Variants in ITGA1 observed in about 807,000 individuals in gnomAD.
ITGA1 encodes the protein integrin subunit alpha 1.
A neutral mutation model predicts 145.9 loss-of-function variants in ITGA1; 85 were observed. That is an observed-to-expected ratio of 0.58 (90% CI 0.49 to 0.70). ITGA1 has a LOEUF of 0.70. Ranked by LOEUF, ITGA1 falls within the 30% of genes least tolerant of loss-of-function variation. ITGA1 has a pLI of 0.00. For missense variants in ITGA1, 1,351 were observed against 1,418.7 expected (o/e 0.95, Z 0.77); for synonymous variants, 520 against 495.3 (o/e 1.05, Z -0.66).
chr5:52,853,623 G>C (rs1749461230), intron 2 of ITGA1, among the ~76,000 whole-genome samples: 1 of 152,156 alleles, frequency 6.6e-6, no homozygotes, highest in African/African-American at 2.4e-5. Flanking sequence ...AGAAATATAA[G>C]TTGACAGAAA....
At chr5:52,791,041 C>T (rs938253001) in intron 1 of ITGA1, among the ~76,000 whole-genome samples, 1 of 152,122 alleles carries the variant, frequency 6.6e-6, no homozygotes, top group South Asian at 2.1e-4. Flanking sequence ...AACAAGCCAC[C>T]AGCATCCCAA....
At chr5:52,912,108 C>A in intron 14 of ITGA1, among the ~76,000 whole-genome samples, 1 of 136,364 alleles carries the variant, frequency 7.3e-6, no homozygotes, top group African/African-American at 2.7e-5. Context: ...TATAGCGTAT[C>A]TAGTATATAG....
chr5:52,817,271 A>C (rs1305882030), intron 1 of ITGA1, among the ~76,000 whole-genome samples: 1 of 152,204 alleles, frequency 6.6e-6, no homozygotes, highest in Non-Finnish European at 1.5e-5. Flanking sequence ...GCTTGGTTTC[A>C]AGACAACTAG....
chr5:52,849,746 T>C (rs1220375737), intron 2 of ITGA1, among the ~76,000 whole-genome samples: 1 of 152,152 alleles, frequency 6.6e-6, no homozygotes, highest in African/African-American at 2.4e-5. Context: ...AAAAAGCTAT[T>C]GTTCCATAAT....
intron 2 of ITGA1, among the ~76,000 whole-genome samples, chr5:52,852,444 G>A (rs77384033): frequency 0.037 from 5,691 of 152,188 alleles, 366 homozygotes; most frequent in African/African-American, 0.13. Flanking sequence ...AAAAAGAAAG[G>A]TGTATTCAAG....
chr5:52,834,657 AAG>A (rs1439247101), intron 1 of ITGA1, among the ~76,000 whole-genome samples: 24 of 151,426 alleles, frequency 1.6e-4, no homozygotes, highest in African/African-American at 2.9e-4. Context: ...AAGAAAAAGA[AAG>A]AGAAAGAAAG....
intron 10 of ITGA1, among the ~76,000 whole-genome samples, chr5:52,898,024 A>G (rs1750256357): frequency 6.6e-6 from 1 of 152,172 alleles, no homozygotes; most frequent in African/African-American, 2.4e-5. Flanking sequence ...ATTTTACTGT[A>G]TAACTTGGGT....
chr5:52,801,081 C>T (rs757223920), intron 1 of ITGA1: 1 of 1,609,938 alleles, frequency 6.2e-7, no homozygotes, highest in Non-Finnish European at 8.5e-7. Flanking sequence ...TGAAGACCGA[C>T]AACAAACTGC....
rs557162924 is a variant in ITGA1 at position 52,913,224 on chromosome 5, G to T, written c.1858-2240G>T. ...TGTCCCGTTCTAAATAGAGGGCACT[G>T]CTTTCTGAATAAGGCAAAAATAATT... On this transcript the variant is annotated intron_variant, in intron 14 of 28. Coordinates refer to ENST00000282588, the MANE Select transcript of ITGA1 (RefSeq NM_181501.2). 4.1e-4 allele frequency among the ~76,000 whole-genome samples: 62 copies of T among 152,144 alleles called. No homozygotes were observed. The Middle Eastern group carries it at 0.01, about 25-fold the overall frequency.
At chr5:52,830,485 G>A (rs1749041796) in intron 1 of ITGA1, among the ~76,000 whole-genome samples, 1 of 151,996 alleles carries the variant, frequency 6.6e-6, no homozygotes, top group East Asian at 1.9e-4. Flanking sequence ...TATTTGACAG[G>A]TTTTTTAAAA....
rs781056010 is a variant in ITGA1, at chr5:52,920,409, G to T, written c.2233G>T (p.Val745Phe). 2.5e-6 allele frequency: 4 copies of T among 1,612,036 alleles called. No individual in the cohort carries two copies. In the South Asian group the frequency reaches 3.3e-5, roughly 13 times the overall value. ...SFFSGTQERK[V>F]QRNITVRKSE... The stretch of plus-strand genomic sequence containing the variant: ...TTTCTCTGGAACTCAAGAGAGAAAG[G>T]TTCAAAGGAACATCACAGTTCGAAA... Residue 745 changes from valine to phenylalanine, a missense_variant, in exon 17 of 29, where the codon GTT becomes TTT. By Grantham distance (50) the Val-to-Phe change is conservative (BLOSUM62 -1). Coordinates refer to ENST00000282588, the MANE Select transcript of ITGA1 (RefSeq NM_181501.2).
chr5:52,815,316 G>A (rs1413420353), intron 1 of ITGA1, among the ~76,000 whole-genome samples: 1 of 152,180 alleles, frequency 6.6e-6, no homozygotes, highest in Non-Finnish European at 1.5e-5. Flanking sequence ...GGTTTTGGGA[G>A]CCTGGGATGG....
At chr5:52,911,347 A>T (rs1750523564) in intron 14 of ITGA1, among the ~76,000 whole-genome samples, 1 of 134,976 alleles carries the variant, frequency 7.4e-6, no homozygotes, top group Non-Finnish European at 1.5e-5. Context: ...TATATAGTAT[A>T]TAGTGTATAT....
At chr5:52,842,226 C>A (rs534024881) in intron 1 of ITGA1, among the ~76,000 whole-genome samples, 135 of 152,210 alleles carry the variant, frequency 8.9e-4, no homozygotes, top group Admixed American at 1.6e-3. Context: ...AGATGAGAAT[C>A]CAAGGACTCT....
Position 52,934,009 on chromosome 5 carries a change from C to T in ITGA1, c.2964+13C>T. 1 of 1,137,658 alleles carries T rather than the reference C, an allele frequency of 8.8e-7. No homozygotes were observed. The highest frequency in any genetic ancestry group is 1.2e-6 in the Non-Finnish European group (1 of 805,752). The allele number at this position is 1,137,658 out of a possible 1,614,324, so 70.5% of individuals were successfully genotyped here. On this transcript the variant is annotated intron_variant, in intron 23 of 28. Coordinates refer to ENST00000282588, the MANE Select transcript of ITGA1 (RefSeq NM_181501.2). ...TATCTTCTACTTGGTAAGAAATTAC[C>T]TCTAAAATAGTATTCTAAAGGAGTT...
chr5:52,920,517 G>A, intron 17 of ITGA1, 49 bp downstream of exon 17: 2 of 1,380,356 alleles, frequency 1.4e-6, no homozygotes, highest in Non-Finnish European at 1.9e-6. Flanking sequence ...CAAGAATACA[G>A]TAGAGATGTC....
chr5:52,831,430 A>C (rs1252926808), intron 1 of ITGA1, among the ~76,000 whole-genome samples: 2 of 152,042 alleles, frequency 1.3e-5, no homozygotes, highest in African/African-American at 4.8e-5. Context: ...CACTGCACCC[A>C]GCCAGAAAGT....
At chr5:52,908,757 G>A (rs1750449867) in intron 12 of ITGA1, 141 bp from the exon 13 acceptor site, 1 of 810,954 alleles carries the variant, frequency 1.2e-6, no homozygotes, top group Non-Finnish European at 2.0e-6. Context: ...ATAACTTTCA[G>A]GGAGCATCAA....
At chr5:52,865,884 C>A (rs758174246) in intron 6 of ITGA1, 67 bp downstream of exon 6, 6 of 1,301,726 alleles carry the variant, frequency 4.6e-6, no homozygotes, top group South Asian at 1.9e-5. Context: ...TTAATAAAAC[C>A]AAATATTCTG....
Sources: gnomAD v4.1 joint callset for allele counts (sites outside exome capture counted in the v4.1 genomes callset) on GRCh38, gnomAD v4.1.1 for gene constraint, MANE v1.5 for transcripts, NCBI Gene and HGNC (gene_info 2026-07-23, HGNC 2026-07-21) for gene names.